GRIP1: variants seen among roughly 807,000 people sequenced by gnomAD.
GRIP1 encodes glutamate receptor-interacting protein 1.
In GRIP1, 45 loss-of-function variants were observed where a neutral mutation model predicts 129.9. The observed-to-expected ratio is 0.35, with a 90% confidence interval of 0.27 to 0.44. The LOEUF is 0.44. GRIP1 is among the 20% of genes least tolerant of loss of function. GRIP1 has a pLI of 1.00. For missense variants in GRIP1, 1,196 were observed against 1,396.8 expected, an observed-to-expected ratio of 0.86 and a Z score of 2.29; for synonymous variants, 530 against 520.8, an observed-to-expected ratio of 1.02 and a Z score of -0.24.
At chr12:66,369,863 TTAGGA>T (rs1412805259) in intron 23 of GRIP1, among the ~76,000 whole-genome samples, 1 of 152,200 alleles carries the variant, frequency 6.6e-6, no homozygotes, top group Non-Finnish European at 1.5e-5. Context: ...AATTAGTATA[TTAGGA>T]TATGTGACTT....
At chr12:66,464,667 G>T (rs1315931998) in intron 8 of GRIP1, among the ~76,000 whole-genome samples, 1 of 152,058 alleles carries the variant, frequency 6.6e-6, no homozygotes, top group African/African-American at 2.4e-5. Flanking sequence ...TTGCTTAGTT[G>T]CTTGATTTTT....
chr12:66,724,565 T>C (rs1254371854), intron 1 of GRIP1, among the ~76,000 whole-genome samples: 2 of 152,348 alleles, frequency 1.3e-5, no homozygotes, highest in Middle Eastern at 3.4e-3. Context: ...GCTTTGCTTA[T>C]GTGATGTCCA....
intron 2 of GRIP1, chr12:66,563,539 G>A: frequency 6.3e-6 from 1 of 159,976 alleles, no homozygotes; most frequent in Non-Finnish European, 1.4e-5. Flanking sequence ...CATTGATGCT[G>A]CAACTGAAGC....
intron 1 of GRIP1, among the ~76,000 whole-genome samples, chr12:66,980,063 C>T (rs534193340): frequency 6.6e-6 from 1 of 152,268 alleles, no homozygotes; most frequent in African/African-American, 2.4e-5. Context: ...TTCTGCAGCA[C>T]CCCTCTTTCA....
chr12:66,871,759 A>G (rs1256954326), intron 1 of GRIP1, among the ~76,000 whole-genome samples: 1 of 152,020 alleles, frequency 6.6e-6, no homozygotes, highest in Non-Finnish European at 1.5e-5. Context: ...CCCAATCTCC[A>G]TATTATGCCA....
chr12:66,771,047 C>G (rs1271857043), intron 1 of GRIP1, among the ~76,000 whole-genome samples: 1 of 152,086 alleles, frequency 6.6e-6, no homozygotes, highest in African/African-American at 2.4e-5. Context: ...GAGCCAAGAT[C>G]ACGCCATTGC....
At chr12:66,561,808 A>G (rs966750910) in intron 2 of GRIP1, among the ~76,000 whole-genome samples, 2 of 152,156 alleles carry the variant, frequency 1.3e-5, no homozygotes, top group African/African-American at 2.4e-5. Context: ...CTAAGAAAGA[A>G]TATGTCTGGG....
upstream of GRIP1, among the ~76,000 whole-genome samples, chr12:66,679,418 A>G (rs531543607): frequency 2.1e-5 from 3 of 142,654 alleles, no homozygotes; most frequent in South Asian, 6.6e-4. Flanking sequence ...TGCATGGGTC[A>G]TGTACTATGT....
intron 1 of GRIP1, among the ~76,000 whole-genome samples, chr12:66,847,776 C>A (rs1171712821): frequency 6.6e-6 from 1 of 152,124 alleles, no homozygotes; most frequent in Non-Finnish European, 1.5e-5. Context: ...TTCATAAACA[C>A]CCTCAAGACC....
chr12:66,899,936 C>T (rs992831704), intron 1 of GRIP1, among the ~76,000 whole-genome samples: 1 of 151,930 alleles, frequency 6.6e-6, no homozygotes, highest in African/African-American at 2.4e-5. Flanking sequence ...GCACTTCCTG[C>T]CTGAAAATGT....
At chr12:66,511,012 G>A (rs2060682233) in intron 7 of GRIP1, among the ~76,000 whole-genome samples, 1 of 152,098 alleles carries the variant, frequency 6.6e-6, no homozygotes. Context: ...ATATGGTTTG[G>A]CTGTGTCCCC....
At chr12:66,931,208 G>A (rs2041389839) in intron 1 of GRIP1, among the ~76,000 whole-genome samples, 1 of 152,198 alleles carries the variant, frequency 6.6e-6, no homozygotes, top group South Asian at 2.1e-4. Flanking sequence ...GGAAGAGAGG[G>A]AAAGGAGAAG....
chr12:66,464,949 T>G (rs1253143913), intron 8 of GRIP1, among the ~76,000 whole-genome samples: 1 of 141,070 alleles, frequency 7.1e-6, no homozygotes. Flanking sequence ...TTTCTTTCTT[T>G]CTTTCTTTTT....
chr12:67,037,978 T>C (rs574842890), intron 1 of GRIP1, among the ~76,000 whole-genome samples: 3 of 152,300 alleles, frequency 2.0e-5, no homozygotes, highest in South Asian at 2.1e-4. Flanking sequence ...ATCCTAAATA[T>C]ACTGAAATTG....
At position 66,756,870 on chromosome 12, in the gene GRIP1, G is replaced by A. The variant is rs558371946; in HGVS notation, c.-420+47183C>T. Among the ~76,000 whole-genome samples, 4 of 152,250 alleles carry A rather than the reference G, an allele frequency of 2.6e-5. No individual in the cohort carries two copies. The South Asian group carries it at 6.2e-4, about 24-fold the overall frequency. ...CTAAGCCCTTCTGCCTTCAGAGACTGCCACTAACCATGTGGTGCTAGATAA... is the reference window on the plus strand; with the variant it reads ...CTAAGCCCTTCTGCCTTCAGAGACTACCACTAACCATGTGGTGCTAGATAA... On this transcript the variant is annotated intron_variant, in intron 1 of 4. Coordinates refer to the GRIP1 transcript ENST00000538373.
intron 1 of GRIP1, among the ~76,000 whole-genome samples, chr12:66,997,983 A>G (rs999191506): frequency 4.6e-5 from 7 of 152,336 alleles, no homozygotes; most frequent in African/African-American, 1.7e-4. Flanking sequence ...AGCAATATCC[A>G]TAATTTGCAA....
chr12:66,556,189 A>G (rs748814657), intron 2 of GRIP1, among the ~76,000 whole-genome samples: 1 of 152,186 alleles, frequency 6.6e-6, no homozygotes, highest in Non-Finnish European at 1.5e-5. Context: ...GAGAAAATAA[A>G]CAAATAACAT....
At chr12:66,660,578 A>G (rs2033437058) in intron 1 of GRIP1, among the ~76,000 whole-genome samples, 1 of 152,180 alleles carries the variant, frequency 6.6e-6, no homozygotes, top group Non-Finnish European at 1.5e-5. Flanking sequence ...AAACCATAAG[A>G]CTACATAATA....
chr12:66,782,256 AT>A (rs1361265862), intron 1 of GRIP1, among the ~76,000 whole-genome samples: 6 of 152,172 alleles, frequency 3.9e-5, no homozygotes, highest in Non-Finnish European at 8.8e-5. Context: ...ATAAAGAGAT[AT>A]TAGGAATTCG....
Sources: gnomAD v4.1 joint callset for allele counts (sites outside exome capture counted in the v4.1 genomes callset) on GRCh38, gnomAD v4.1.1 for gene constraint, MANE v1.5 for transcripts, NCBI Gene and HGNC (gene_info 2026-07-23, HGNC 2026-07-21) for gene names.